Variants in CGNL1 observed in about 807,000 individuals in gnomAD.
CGNL1 encodes the protein cingulin-like protein 1.
CGNL1 carries 132 observed loss-of-function variants against 141.2 expected under a neutral mutation model. The observed-to-expected ratio is 0.93, with a 90% CI of 0.81 to 1.08. CGNL1 has a LOEUF of 1.08. Ranked by LOEUF, CGNL1 falls within the 50% of genes least tolerant of loss-of-function variation. CGNL1 has a pLI of 0.00. For synonymous variants in CGNL1, 690 were observed against 622.1 expected (o/e 1.11, Z -1.63); for missense variants, 1,870 against 1,588.6 (o/e 1.18, Z -3.01).
chr15:57,457,548 G>A (rs545223666), intron 7 of CGNL1, among the ~76,000 whole-genome samples: 1 of 152,268 alleles, frequency 6.6e-6, no homozygotes, highest in South Asian at 2.1e-4. Context: ...ACATACCTGA[G>A]ACTGGGCAAC....
intron 1 of CGNL1, among the ~76,000 whole-genome samples, chr15:57,427,833 C>A (rs1595692797): frequency 6.6e-6 from 1 of 152,210 alleles, no homozygotes; most frequent in African/African-American, 2.4e-5. Context: ...TTGGAACATA[C>A]ATACCTTGTG....
At chr15:57,458,773 C>T (rs1369515455) in intron 7 of CGNL1, among the ~76,000 whole-genome samples, 2 of 152,150 alleles carry the variant, frequency 1.3e-5, no homozygotes, top group Non-Finnish European at 1.5e-5. Context: ...AGGGCGTCCT[C>T]TTTGATAAAT....
chr15:57,533,605 A>T (rs2032082240), intron 14 of CGNL1, among the ~76,000 whole-genome samples: 1 of 152,210 alleles, frequency 6.6e-6, no homozygotes, highest in Non-Finnish European at 1.5e-5. Context: ...ACAGACCTTC[A>T]GTTCCATGTT....
chr15:57,422,505 A>G (rs1443528514), intron 1 of CGNL1, among the ~76,000 whole-genome samples: 1 of 152,214 alleles, frequency 6.6e-6, no homozygotes, highest in African/African-American at 2.4e-5. Flanking sequence ...CTCTGTGGTC[A>G]TCAGTTAACC....
At chr15:57,391,508 TGA>T (rs2062542800) in intron 1 of CGNL1, among the ~76,000 whole-genome samples, 3 of 152,202 alleles carry the variant, frequency 2.0e-5, no homozygotes, top group African/African-American at 4.8e-5. Flanking sequence ...TCACATGTGC[TGA>T]GTGTGGGATT....
chr15:57,537,179 G>A (rs1472988738), intron 14 of CGNL1, among the ~76,000 whole-genome samples: 4 of 152,218 alleles, frequency 2.6e-5, no homozygotes, highest in African/African-American at 9.6e-5. Context: ...CCAGTGGAGA[G>A]ATGACTCATC....
intron 1 of CGNL1, among the ~76,000 whole-genome samples, chr15:57,425,004 T>C (rs1689605430): frequency 6.6e-6 from 1 of 152,260 alleles, no homozygotes; most frequent in Admixed American, 6.5e-5. Flanking sequence ...ATAATCGTTT[T>C]ATATTTGTAC....
chr15:57,531,451 CTTTT>C (rs1401093511), intron 13 of CGNL1, among the ~76,000 whole-genome samples: 1 of 152,118 alleles, frequency 6.6e-6, no homozygotes, highest in Non-Finnish European at 1.5e-5. Context: ...GTTTTTTCTT[CTTTT>C]ATGTGTTTTC....
At chr15:57,491,248 C>G (rs1266556391) in intron 8 of CGNL1, among the ~76,000 whole-genome samples, 1 of 152,176 alleles carries the variant, frequency 6.6e-6, no homozygotes, top group Admixed American at 6.5e-5. Context: ...ATTATTTTAG[C>G]AGTTTTTCTA....
chr15:57,504,257 A>G (rs1281394386), intron 8 of CGNL1, among the ~76,000 whole-genome samples: 1 of 152,174 alleles, frequency 6.6e-6, no homozygotes, highest in African/African-American at 2.4e-5. Context: ...AGGTACTATC[A>G]TTGCCCTTTC....
intron 8 of CGNL1, among the ~76,000 whole-genome samples, chr15:57,514,792 G>T (rs1447286163): frequency 6.6e-6 from 1 of 152,130 alleles, no homozygotes; most frequent in Non-Finnish European, 1.5e-5. Flanking sequence ...GTATGAGGAA[G>T]ATGTCTAACT....
intron 13 of CGNL1, among the ~76,000 whole-genome samples, chr15:57,531,255 T>G (rs564270483): frequency 1.3e-4 from 20 of 152,326 alleles, no homozygotes; most frequent in African/African-American, 4.8e-4. Context: ...CTGCTGTAGA[T>G]TGACTCCTGC....
chr15:57,473,747 A>G (rs531709421), intron 8 of CGNL1, among the ~76,000 whole-genome samples: 1 of 152,206 alleles, frequency 6.6e-6, no homozygotes, highest in South Asian at 2.1e-4. Context: ...GTCAACAGCC[A>G]TGTGAGTGTG....
Position 57,461,887 on chromosome 15 carries a change from A to T in CGNL1, c.2398A>T (p.Thr800Ser). 1.2e-6 allele frequency: 2 copies of T among 1,613,474 alleles called. No individual in the cohort carries two copies. Among genetic ancestry groups the T allele is most frequent in the Non-Finnish European group, 1.7e-6 (2 of 1,179,660 alleles). Residue 800 changes from threonine (T) to serine (S), a missense_variant, in exon 8 of 19, where the codon ACC (threonine) becomes TCC (serine). Coordinates refer to ENST00000281282, the MANE Select transcript of CGNL1 (RefSeq NM_032866.5). ...CCTGAGGGAGAGTGTGGAAGAAGCA[A>T]CCAAGGTGAGGGATGGGGCAGGAGA... Reference protein sequence around the residue: ...QALRESVEEATKNVEVLASRS... With the variant: ...QALRESVEEASKNVEVLASRS...
chr15:57,491,021 C>G (rs1377817118), intron 8 of CGNL1, among the ~76,000 whole-genome samples: 4 of 152,056 alleles, frequency 2.6e-5, no homozygotes, highest in Non-Finnish European at 4.4e-5. Flanking sequence ...CCAAGAGGAG[C>G]CTGAGGAGCT....
chr15:57,499,648 C>T (rs573230804), intron 8 of CGNL1, among the ~76,000 whole-genome samples: 5 of 152,124 alleles, frequency 3.3e-5, no homozygotes, highest in Non-Finnish European at 7.3e-5. Flanking sequence ...ACAGTGTGAC[C>T]GGGCCGCAAA....
chr15:57,464,433 A>G (rs1266078963), intron 8 of CGNL1, among the ~76,000 whole-genome samples: 2 of 152,234 alleles, frequency 1.3e-5, no homozygotes, highest in Non-Finnish European at 2.9e-5. Context: ...ATGCAAGTCA[A>G]GAGCCTGTGC....
rs1308928672 is a variant in CGNL1 at position 57,439,428 on chromosome 15, C to T, written c.1429C>T (p.Gln477Ter). 2 of 1,614,174 alleles carry T rather than the reference C, an allele frequency of 1.2e-6. No individual in the cohort carries two copies. Among genetic ancestry groups the T allele is most frequent in the Non-Finnish European group, 1.7e-6 (2 of 1,180,036 alleles). ...DGKVLETEGS[Q>*]ESTVIRAPSL... Reference sequence around the variant, plus strand: ...GAAAGTTCTGGAAACCGAAGGTAGTCAGGAAAGTACAGTGATCCGTGCGCC... The same window carrying T: ...GAAAGTTCTGGAAACCGAAGGTAGTTAGGAAAGTACAGTGATCCGTGCGCC... The change falls in exon 2 of 19, where the codon CAG becomes TAG. Residue 477 changes from glutamine (Q) to a stop codon, truncating the protein, a stop_gained. Coordinates refer to ENST00000281282, the MANE Select transcript of CGNL1 (RefSeq NM_032866.5). LOFTEE classifies it high-confidence loss of function.
chr15:57,424,910 T>C (rs961899029), intron 1 of CGNL1, among the ~76,000 whole-genome samples: 6 of 152,246 alleles, frequency 3.9e-5, no homozygotes, highest in East Asian at 1.9e-4. Context: ...CATATTAATG[T>C]TGTGAATTGG....
Sources: gnomAD v4.1 joint callset for allele counts (sites outside exome capture counted in the v4.1 genomes callset) on GRCh38, gnomAD v4.1.1 for gene constraint, MANE v1.5 for transcripts, NCBI Gene and HGNC (gene_info 2026-07-23, HGNC 2026-07-21) for gene names.